Variants in CUL5 observed in about 807,000 individuals in gnomAD.
CUL5 encodes the protein cullin-5.
In CUL5, 26 loss-of-function variants were observed where a neutral mutation model predicts 108.8. That is an observed-to-expected ratio of 0.24 (90% CI 0.18 to 0.33). The LOEUF (loss-of-function observed/expected upper bound fraction) is 0.33. Among genes scored for constraint, CUL5 ranks in the 10% least tolerant of loss-of-function variants. The probability of loss-of-function intolerance (pLI) is 1.00; values close to 1 mark genes in which losing one functional copy is unlikely to be tolerated. For missense variants in CUL5, 524 were observed against 909.2 expected, an observed-to-expected ratio of 0.58 and a Z score of 5.45; for synonymous variants, 334 against 298.0, an observed-to-expected ratio of 1.12 and a Z score of -1.25.
intron 16 of CUL5, among the ~76,000 whole-genome samples, chr11:108,097,276 A>G (rs1290365446): frequency 6.6e-6 from 1 of 152,190 alleles, no homozygotes; most frequent in Admixed American, 6.5e-5. Context: ...TCAGCTTCCC[A>G]AAGTGCTGGA....
chr11:108,093,949 T>A (rs1373968194), intron 13 of CUL5, among the ~76,000 whole-genome samples: 1 of 152,258 alleles, frequency 6.6e-6, no homozygotes, highest in Non-Finnish European at 1.5e-5. Context: ...GTGATCCTCC[T>A]GCTTCAGCCT....
intron 1 of CUL5, among the ~76,000 whole-genome samples, chr11:108,030,425 G>T (rs897694933): frequency 7.9e-5 from 12 of 152,138 alleles, no homozygotes; most frequent in African/African-American, 2.9e-4. Context: ...ATCACCTGAG[G>T]TCGGGAGTTT....
At chr11:108,017,345 G>A (rs898810347) in intron 1 of CUL5, among the ~76,000 whole-genome samples, 1 of 129,350 alleles carries the variant, frequency 7.7e-6, no homozygotes, top group Non-Finnish European at 1.6e-5. Flanking sequence ...AATTGAGATC[G>A]CACCACTGCA....
chr11:108,038,697 C>T (rs1436582823), intron 2 of CUL5, among the ~76,000 whole-genome samples: 2 of 150,212 alleles, frequency 1.3e-5, no homozygotes, highest in Admixed American at 6.6e-5. Flanking sequence ...AAAAAAAGAT[C>T]TTTCATCTCC....
chr11:108,076,651 A>G (rs1024908812), intron 10 of CUL5, among the ~76,000 whole-genome samples: 29 of 152,122 alleles, frequency 1.9e-4, no homozygotes, highest in African/African-American at 7.0e-4. Flanking sequence ...TATTTTTGCT[A>G]TTGTTAATAA....
chr11:108,088,952 A>G (rs1017464542), intron 12 of CUL5, among the ~76,000 whole-genome samples: 12 of 152,160 alleles, frequency 7.9e-5, no homozygotes, highest in African/African-American at 2.9e-4. Context: ...ATTTGGAATG[A>G]TAGTTGACAG....
At chr11:108,029,680 A>C (rs1862530403) in intron 1 of CUL5, among the ~76,000 whole-genome samples, 1 of 152,348 alleles carries the variant, frequency 6.6e-6, no homozygotes, top group Non-Finnish European at 1.5e-5. Context: ...AATCTATTAT[A>C]AAAGTTTAAT....
chr11:108,026,521 G>C (rs1034482788), intron 1 of CUL5, among the ~76,000 whole-genome samples: 1 of 151,946 alleles, frequency 6.6e-6, no homozygotes, highest in African/African-American at 2.4e-5. Context: ...ACATTCTTTT[G>C]CCTTCTCCTC....
intron 11 of CUL5, among the ~76,000 whole-genome samples, chr11:108,082,161 T>G (rs1864103166): frequency 6.6e-6 from 1 of 152,198 alleles, no homozygotes; most frequent in Admixed American, 6.5e-5. Flanking sequence ...AATTTATTCC[T>G]TGGTATTTTC....
chr11:108,031,479 A>G (rs1246442628), intron 1 of CUL5, among the ~76,000 whole-genome samples: 3 of 152,146 alleles, frequency 2.0e-5, no homozygotes, highest in Non-Finnish European at 4.4e-5. Context: ...CATATGGTAT[A>G]AGAAAGGGGT....
intron 7 of CUL5, among the ~76,000 whole-genome samples, chr11:108,058,298 G>GAGTGCAGT (rs1340949079): frequency 1.6e-5 from 2 of 124,154 alleles, no homozygotes; most frequent in Non-Finnish European, 3.2e-5. Context: ...ACCCAGGCTA[G>GAGTGCAGT]AGTGCAGTAG....
chr11:108,018,447 A>G (rs1591272933), intron 1 of CUL5, among the ~76,000 whole-genome samples: 1 of 152,106 alleles, frequency 6.6e-6, no homozygotes, highest in Non-Finnish European at 1.5e-5. Context: ...CAGGCGGATC[A>G]TGTGAGGTCA....
At chr11:108,087,611 A>G (rs1257158769) in intron 11 of CUL5, among the ~76,000 whole-genome samples, 2 of 152,098 alleles carry the variant, frequency 1.3e-5, no homozygotes, top group African/African-American at 4.8e-5. Context: ...AAAATTTTTT[A>G]ATTTGTGTAT....
intron 11 of CUL5, among the ~76,000 whole-genome samples, chr11:108,082,409 T>C (rs1245027839): frequency 6.6e-6 from 1 of 151,796 alleles, no homozygotes; most frequent in African/African-American, 2.4e-5. Flanking sequence ...GCCACCTGAG[T>C]AGCTAGGACC....
rs529049295 is a variant in CUL5, at chr11:108,093,787, C to T, written c.1444-604C>T. Among the ~76,000 whole-genome samples the T allele has an allele frequency of 6.4e-4, 97 of 152,332 alleles. 1 individual carries two copies. Among genetic ancestry groups the T allele is most frequent in the Admixed American group, 2.0e-3 (30 of 15,298 alleles). ...CAGTGACACAATCAGAGCTTAAACT[C>T]CTGGGCTCAAGCAATCCACCCACCT... On this transcript the variant is annotated intron_variant, in intron 13 of 18. Coordinates refer to ENST00000393094, the MANE Select transcript of CUL5 (RefSeq NM_003478.6).
intron 1 of CUL5, among the ~76,000 whole-genome samples, chr11:108,028,148 A>G (rs964903032): frequency 3.3e-5 from 5 of 152,214 alleles, no homozygotes; most frequent in Non-Finnish European, 7.3e-5. Context: ...CTAGATTTCC[A>G]TATTGGACTG....
At chr11:108,094,178 AC>A (rs1311257815) in intron 13 of CUL5, among the ~76,000 whole-genome samples, 2 of 152,212 alleles carry the variant, frequency 1.3e-5, no homozygotes, top group African/African-American at 4.8e-5. Context: ...TGAAATTCAT[AC>A]ATACTAAAAA....
chr11:108,018,921 T>G (rs985372480), intron 1 of CUL5, among the ~76,000 whole-genome samples: 1 of 152,106 alleles, frequency 6.6e-6, no homozygotes, highest in African/African-American at 2.4e-5. Context: ...TTACTTAACA[T>G]CTCTGTGCCT....
chr11:108,053,973 A>G (rs1386796899), intron 5 of CUL5, among the ~76,000 whole-genome samples: 2 of 151,938 alleles, frequency 1.3e-5, no homozygotes, highest in Non-Finnish European at 2.9e-5. Context: ...AGCCTCCAGA[A>G]TAGCTGAGAT....
Sources: gnomAD v4.1 joint callset for allele counts (sites outside exome capture counted in the v4.1 genomes callset) on GRCh38, gnomAD v4.1.1 for gene constraint, MANE v1.5 for transcripts, NCBI Gene and HGNC (gene_info 2026-07-23, HGNC 2026-07-21) for gene names.